The following INPP4B variants were observed in gnomAD, a reference collection of about 807,000 sequenced individuals.
INPP4B encodes inositol polyphosphate 4-phosphatase type II.
A neutral mutation model predicts 122.5 loss-of-function variants in INPP4B; 55 were observed. That is an observed-to-expected ratio of 0.45 (90% CI 0.36 to 0.56). The LOEUF (loss-of-function observed/expected upper bound fraction) is 0.56, where lower values mean the gene tolerates loss of function less well. Among genes scored for constraint, INPP4B ranks in the 20% least tolerant of loss-of-function variants. The pLI, the probability that INPP4B is intolerant of heterozygous loss-of-function variation, is 0.00. For missense variants in INPP4B, 1,000 were observed against 1,097.7 expected, an observed-to-expected ratio of 0.91 and a Z score of 1.26; for synonymous variants, 403 against 388.7, an observed-to-expected ratio of 1.04 and a Z score of -0.43.
intron 25 of INPP4B, among the ~76,000 whole-genome samples, chr4:142,035,321 G>T (rs1743160676): frequency 6.6e-6 from 1 of 152,116 alleles, no homozygotes. Flanking sequence ...CAACGTAGGT[G>T]CACAAAAAGA....
intron 23 of INPP4B, among the ~76,000 whole-genome samples, chr4:142,104,417 AAGATT>A (rs1203663125): frequency 2.0e-5 from 3 of 152,148 alleles, no homozygotes; most frequent in Non-Finnish European, 4.4e-5. Context: ...GCCCAACAGG[AAGATT>A]AGAGTGACAA....
chr4:142,144,597 T>C (rs1301665156), intron 18 of INPP4B, among the ~76,000 whole-genome samples: 1 of 152,064 alleles, frequency 6.6e-6, no homozygotes, highest in African/African-American at 2.4e-5. Flanking sequence ...CATTAACTAA[T>C]AAAAACTGGT....
At chr4:142,230,615 C>T (rs1853832466) in intron 12 of INPP4B, among the ~76,000 whole-genome samples, 1 of 139,342 alleles carries the variant, frequency 7.2e-6, no homozygotes, top group Non-Finnish European at 1.5e-5. Context: ...TGCACTCCAG[C>T]CTGGGCAACA....
At chr4:142,258,541 A>C (rs1014597231) in intron 11 of INPP4B, among the ~76,000 whole-genome samples, 7 of 152,364 alleles carry the variant, frequency 4.6e-5, no homozygotes, top group Non-Finnish European at 1.0e-4. Flanking sequence ...AAAGTGGGCA[A>C]AGAACATGAA....
At chr4:142,817,004 AAT>A (rs1780192394) in intron 1 of INPP4B, among the ~76,000 whole-genome samples, 1 of 152,172 alleles carries the variant, frequency 6.6e-6, no homozygotes, top group East Asian at 1.9e-4. Flanking sequence ...GAGTAAAGTT[AAT>A]ATGAGTTAGT....
At chr4:142,582,450 T>C (rs897088273) in intron 2 of INPP4B, among the ~76,000 whole-genome samples, 1 of 152,124 alleles carries the variant, frequency 6.6e-6, no homozygotes. Flanking sequence ...TTCAGTAATA[T>C]GCTTGAACAA....
intron 1 of INPP4B, among the ~76,000 whole-genome samples, chr4:142,824,271 A>G (rs1363104434): frequency 1.3e-5 from 2 of 151,344 alleles, no homozygotes; most frequent in Non-Finnish European, 2.9e-5. Flanking sequence ...TCTTTTAACT[A>G]TCTATCTATC....
chr4:142,445,366 C>CT (rs1554055933), intron 3 of INPP4B, among the ~76,000 whole-genome samples: 1 of 151,842 alleles, frequency 6.6e-6, no homozygotes, highest in African/African-American at 2.4e-5. Flanking sequence ...ACTGAATTTG[C>CT]AAAAATACTG....
At chr4:142,172,194 T>C (rs1301362172) in intron 16 of INPP4B, among the ~76,000 whole-genome samples, 1 of 151,952 alleles carries the variant, frequency 6.6e-6, no homozygotes, top group Non-Finnish European at 1.5e-5. Context: ...TCAAAATCCA[T>C]ATATTAGACG....
chr4:142,445,207 A>G (rs1356265170), intron 3 of INPP4B, among the ~76,000 whole-genome samples: 1 of 152,182 alleles, frequency 6.6e-6, no homozygotes, highest in Non-Finnish European at 1.5e-5. Context: ...AATTATCCAG[A>G]CTTAAACACA....
Position 142,209,299 on chromosome 4 carries a change from C to T in INPP4B, c.837-273G>A, listed in dbSNP as rs933713023. Reference sequence around the variant, plus strand: ...AATTTTTCACAAAGATGGCAGACTTCCTATTCTTATATACATAGGGAAGAC... The same window carrying T: ...AATTTTTCACAAAGATGGCAGACTTTCTATTCTTATATACATAGGGAAGAC... On this transcript the variant is annotated intron_variant, in intron 12 of 25. Transcript: ENST00000262992. Among the ~76,000 whole-genome samples, 8 of 152,018 alleles carry T rather than the reference C, an allele frequency of 5.3e-5. No individual in the cohort carries two copies. In the South Asian group the frequency reaches 8.3e-4, roughly 16 times the overall value.
intron 2 of INPP4B, among the ~76,000 whole-genome samples, chr4:142,537,429 T>TATATAGAG (rs1200701380): frequency 3.1e-3 from 79 of 25,458 alleles, no homozygotes; most frequent in Non-Finnish European, 3.9e-3. Context: ...TATATATATA[T>TATATAGAG]AGAGAGAGAG....
At chr4:142,520,352 C>T (rs1327457689) in intron 2 of INPP4B, among the ~76,000 whole-genome samples, 3 of 151,826 alleles carry the variant, frequency 2.0e-5, no homozygotes, top group Non-Finnish European at 4.4e-5. Context: ...TAGATCTTTA[C>T]ACATAACTTT....
At chr4:142,145,753 ACTC>A (rs1810353987) in intron 18 of INPP4B, 84 bp downstream of exon 18, 11 of 1,291,530 alleles carry the variant, frequency 8.5e-6, no homozygotes, top group South Asian at 1.3e-5. Context: ...GATACTATTG[ACTC>A]CTCTTCTTCT....
At chr4:142,256,544 A>G (rs1482836377) in intron 11 of INPP4B, among the ~76,000 whole-genome samples, 2 of 152,228 alleles carry the variant, frequency 1.3e-5, no homozygotes, top group African/African-American at 2.4e-5. Context: ...TCCCACAGAA[A>G]TACAAACTAC....
At chr4:142,060,416 A>G (rs988981230) in intron 25 of INPP4B, among the ~76,000 whole-genome samples, 1 of 152,208 alleles carries the variant, frequency 6.6e-6, no homozygotes, top group African/African-American at 2.4e-5. Flanking sequence ...CTAGATGACA[A>G]TATATACCAC....
At chr4:142,469,454 A>G (rs532442464) in intron 2 of INPP4B, among the ~76,000 whole-genome samples, 3 of 152,234 alleles carry the variant, frequency 2.0e-5, no homozygotes, top group South Asian at 4.1e-4. Flanking sequence ...TATTTTTAGT[A>G]TAATTCCAAT....
chr4:142,485,703 A>C (rs2149757984), intron 2 of INPP4B, among the ~76,000 whole-genome samples: 1 of 152,266 alleles, frequency 6.6e-6, no homozygotes, highest in Non-Finnish European at 1.5e-5. Flanking sequence ...ATGTGACTCT[A>C]AGCTATGCTC....
At chr4:142,097,789 C>G (rs1176959386) in intron 23 of INPP4B, among the ~76,000 whole-genome samples, 1 of 152,138 alleles carries the variant, frequency 6.6e-6, no homozygotes, top group East Asian at 1.9e-4. Context: ...AATAGTGTTA[C>G]TTTTCATAGT....
Sources: gnomAD v4.1 joint callset for allele counts (sites outside exome capture counted in the v4.1 genomes callset) on GRCh38, gnomAD v4.1.1 for gene constraint, MANE v1.5 for transcripts, NCBI Gene and HGNC (gene_info 2026-07-23, HGNC 2026-07-21) for gene names.